Variants in CDKN2A observed in about 807,000 individuals in gnomAD.
The protein encoded by CDKN2A is cyclin dependent kinase inhibitor 2A, also known as cyclin-dependent kinase inhibitor 2A.
In CDKN2A, 3 loss-of-function variants were observed where a neutral mutation model predicts 11.1. The ratio of observed to expected loss-of-function variants is 0.27; its 90% CI spans 0.12 to 0.70. The LOEUF is 0.70. Ranked by LOEUF, CDKN2A falls within the 30% of genes least tolerant of loss-of-function variation. The probability of loss-of-function intolerance (pLI) is 0.77; values close to 1 mark genes in which losing one functional copy is unlikely to be tolerated. For missense variants in CDKN2A, 265 were observed against 233.6 expected, an observed-to-expected ratio of 1.13 and a Z score of -0.88; for synonymous variants, 122 against 108.1, an observed-to-expected ratio of 1.13 and a Z score of -0.80.
exon 2 of CDKN2A, chr9:21,993,924 C>G: frequency 1.6e-6 from 1 of 620,272 alleles, no homozygotes; most frequent in Non-Finnish European, 2.9e-6. Flanking sequence ...GCCTCAGTTT[C>G]CCACGATTGA....
chr9:21,994,070 T>C (rs1257501194), intron 1 of CDKN2A: 23 of 1,515,378 alleles, frequency 1.5e-5, no homozygotes, highest in African/African-American at 4.1e-5. Context: ...ACGAATTATC[T>C]GTTTACGAAA....
At chr9:21,973,915 GT>G (rs1218497720) in intron 1 of CDKN2A, among the ~76,000 whole-genome samples, 1 of 151,882 alleles carries the variant, frequency 6.6e-6, no homozygotes, top group Non-Finnish European at 1.5e-5. Context: ...TTTCGACAAA[GT>G]CTCACTCTGT....
chr9:21,992,306 T>C, intron 2 of CDKN2A: 1 of 851,222 alleles, frequency 1.2e-6, no homozygotes, highest in Non-Finnish European at 1.4e-6. Context: ...ATGTGAAATA[T>C]ATAATTACAT....
chr9:21,971,513 C>T (rs937047596), intron 1 of CDKN2A: 3 of 483,112 alleles, frequency 6.2e-6, no homozygotes, highest in South Asian at 3.5e-5. Flanking sequence ...AGGCTAACTT[C>T]CTGTATTTCC....
Position 21,994,233 on chromosome 9 carries a change from C to T in CDKN2A, c.-175-180G>A, listed in dbSNP as rs1346264455. 6.2e-7 allele frequency: 1 copy of T among 1,606,376 alleles called. No individual in the cohort carries two copies. The highest frequency in any genetic ancestry group is 8.5e-7 in the Non-Finnish European group (1 of 1,179,454). On this transcript the variant is annotated intron_variant, in intron 1 of 3. Transcript: ENST00000494262. ...CGGCGGGCGCCCCTGGCGCTGCCCA[C>T]TCCCCCGTGAGCCGCGGGATGTGAA...
chr9:21,987,093 T>A (rs1022403889), intron 2 of CDKN2A, among the ~76,000 whole-genome samples: 19 of 152,128 alleles, frequency 1.2e-4, no homozygotes, highest in Non-Finnish European at 2.5e-4. Flanking sequence ...AGAAAAATGA[T>A]CATTTGAAAG....
At position 21,968,601 on chromosome 9, in the gene CDKN2A, G is replaced by A; in HGVS notation, c.458-359C>T. ...ATGCCAGGCGCGAAGGCGTGAAGAT[G>A]TGGCCTTTCCCTTCCCGCATCCCCA... On this transcript the variant is annotated intron_variant, in intron 2 of 2. Transcript: ENST00000304494. This position sits in a 1 kb window ranked among gnomAD's most constrained non-coding sequence, Gnocchi z 4.7. 6.7e-7 allele frequency: 1 copy of A among 1,494,944 alleles called. No individual in the cohort carries two copies. Among genetic ancestry groups the A allele is most frequent in the South Asian group, 1.3e-5 (1 of 76,432 alleles). The allele number at this position is 1,494,944 out of a possible 1,614,324, so 92.6% of individuals were successfully genotyped here.
chr9:21,968,250 G>A lies in CDKN2A; in HGVS notation c.458-8C>T, dbSNP rs2131079594. On this transcript the variant is annotated splice_polypyrimidine_tract_variant and splice_region_variant and intron_variant, in intron 2 of 2. Transcript: ENST00000304494. This position sits in a 1 kb window ranked among gnomAD's most constrained non-coding sequence, Gnocchi z 4.7. ...TCTTTCAATCGGGGATGTCTGCAGAGGGCAGAAAGAAAACAGGCGTTAGAA... is the reference window on the plus strand; with the variant it reads ...TCTTTCAATCGGGGATGTCTGCAGAAGGCAGAAAGAAAACAGGCGTTAGAA... 2 of 1,613,872 alleles carry A rather than the reference G, an allele frequency of 1.2e-6. No individual in the cohort carries two copies. The highest frequency in any genetic ancestry group is 4.5e-5 in the East Asian group (2 of 44,856).
Position 21,994,025 on chromosome 9 carries a change from C to T in CDKN2A, c.-147G>A, listed in dbSNP as rs1296286618. 7 of 1,191,304 alleles carry T rather than the reference C, an allele frequency of 5.9e-6. No individual in the cohort carries two copies. The East Asian group carries it at 1.8e-4, about 30-fold the overall frequency. 73.8% of individuals were successfully genotyped at this position (1,191,304 alleles called of 1,614,324 possible). A position where few individuals can be genotyped will look rare whatever the true frequency, so the allele number is the denominator to read the frequency against. On this transcript the variant is annotated 5_prime_UTR_variant, in exon 2 of 4. Transcript: ENST00000494262. The stretch of plus-strand genomic sequence containing the variant: ...ACCCGAATGGGGAAGCCTCCACCGG[C>T]GGTTATCTCCTCCTCCTCCTAGCCT...
chr9:21,994,475 C>T, intron 1 of CDKN2A: 3 of 1,518,654 alleles, frequency 2.0e-6, no homozygotes, highest in Non-Finnish European at 2.6e-6. Flanking sequence ...CAGGCGCGCA[C>T]CCGCCTTCCC....
intron 2 of CDKN2A, chr9:21,992,017 A>T: frequency 1.0e-6 from 1 of 984,634 alleles, no homozygotes; most frequent in Non-Finnish European, 1.2e-6. Flanking sequence ...AGAAGTAACA[A>T]ATCAACTATG....
chr9:21,971,236 C>A (rs2131097103), intron 1 of CDKN2A, 28 bp from the exon 2 acceptor site: 1 of 1,590,318 alleles, frequency 6.3e-7, no homozygotes, highest in Non-Finnish European at 8.5e-7. Context: ...ATGGTCAGAG[C>A]CAGGGTGGGG....
intron 2 of CDKN2A, chr9:21,992,541 T>C (rs1820451644): frequency 1.9e-6 from 1 of 539,014 alleles, no homozygotes; most frequent in African/African-American, 2.0e-5. Flanking sequence ...TTGCATTTCA[T>C]GCATATACAT....
In CDKN2A at chr9:21,993,539, C is replaced by T. The variant is rs915659363; in HGVS notation, c.-4+343G>A. ...CTAACTCACAAAGAAAGCCCATTTC[C>T]CTGTTGGCTGCAAAACTCCCCCAAG... On this transcript the variant is annotated intron_variant, in intron 2 of 3. Coordinates refer to the CDKN2A transcript ENST00000494262. Among the ~76,000 whole-genome samples, 7 of 152,154 alleles carry T rather than the reference C, an allele frequency of 4.6e-5. 1 individual carries two copies. The highest frequency in any genetic ancestry group is 1.2e-4 in the African/African-American group (5 of 41,412).
intron 2 of CDKN2A, chr9:21,970,633 G>A (rs1819661320): frequency 1.7e-6 from 1 of 604,656 alleles, no homozygotes; most frequent in African/African-American, 1.8e-5. Context: ...TGAACTAGCA[G>A]AGGGTAGGTG....
exon 2 of CDKN2A, chr9:21,994,042 T>C (rs2131147599): frequency 2.9e-6 from 4 of 1,385,754 alleles, no homozygotes; most frequent in Non-Finnish European, 4.0e-6. Flanking sequence ...CTCCTCCTCC[T>C]CCTAGCCTGG....
intron 1 of CDKN2A, chr9:21,971,431 C>G: frequency 7.1e-7 from 1 of 1,399,328 alleles, no homozygotes; most frequent in Middle Eastern, 2.6e-4. Flanking sequence ...GCGGAGCTGT[C>G]GTCACAGGCA....
Position 21,988,954 on chromosome 9 carries a change from T to C in CDKN2A, c.-4+4928A>G, listed in dbSNP as rs1820362555. ...CCCTATCGTTCTGCTCTTTGGAAATTCTCCCTCACTTTCTTCATAATGCCG... is the reference window on the plus strand; with the variant it reads ...CCCTATCGTTCTGCTCTTTGGAAATCCTCCCTCACTTTCTTCATAATGCCG... On this transcript the variant is annotated intron_variant, in intron 2 of 3. Coordinates refer to the CDKN2A transcript ENST00000494262. The surrounding 1 kb of genome is among the most constrained non-coding windows in gnomAD (Gnocchi z 4.1). Among the ~76,000 whole-genome samples the C allele has an allele frequency of 6.6e-6, 1 of 152,216 alleles. No homozygotes were observed. The highest frequency in any genetic ancestry group is 1.5e-5 in the Non-Finnish European group (1 of 68,044).
chr9:21,976,824 G>GAGTTT (rs1293801633), upstream of CDKN2A, among the ~76,000 whole-genome samples: 2 of 152,206 alleles, frequency 1.3e-5, no homozygotes, highest in African/African-American at 4.8e-5. Context: ...AAGTTAAACA[G>GAGTTT]CACTAAAGAG....
Sources: allele counts gnomAD v4.1 joint callset (sites outside exome capture counted in the v4.1 genomes callset), GRCh38; gene constraint gnomAD v4.1.1; non-coding constraint Gnocchi (gnomAD v3.1); transcripts MANE v1.5; gene names NCBI Gene and HGNC (gene_info 2026-07-23, HGNC 2026-07-21).